The following REXO1 variants were observed in gnomAD, a reference collection of about 807,000 sequenced individuals.
REXO1 encodes the protein REX1, RNA exonuclease 1 homolog.
Under a neutral mutation model 102.6 loss-of-function variants are expected in REXO1, and 42 were observed. The observed-to-expected ratio is 0.41, with a 90% CI of 0.32 to 0.53. The LOEUF (loss-of-function observed/expected upper bound fraction) is 0.53. REXO1 is among the 20% of genes least tolerant of loss of function. The pLI, the probability that REXO1 is intolerant of heterozygous loss-of-function variation, is 0.27. For synonymous variants in REXO1, 908 were observed against 779.1 expected, an observed-to-expected ratio of 1.17 and a Z score of -2.76; for missense variants, 1,819 against 1,732.5, an observed-to-expected ratio of 1.05 and a Z score of -0.89.
intron 1 of REXO1, among the ~76,000 whole-genome samples, chr19:1,835,326 C>T (rs1012255430): frequency 6.6e-6 from 1 of 151,994 alleles, no homozygotes; most frequent in African/African-American, 2.4e-5. Context: ...GGAGGATCAC[C>T]GAGGTCAGGA....
intron 3 of REXO1, among the ~76,000 whole-genome samples, chr19:1,825,193 G>A (rs1599137603): frequency 6.7e-6 from 1 of 149,842 alleles, no homozygotes; most frequent in South Asian, 2.1e-4. Flanking sequence ...CCAGGTACTC[G>A]GGAGGCTGAA....
At chr19:1,846,009 G>A (rs1192699859) in intron 1 of REXO1, among the ~76,000 whole-genome samples, 2 of 152,236 alleles carry the variant, frequency 1.3e-5, no homozygotes, top group East Asian at 3.8e-4. Context: ...TGCAGCGCGT[G>A]TCCAGCACAG....
intron 5 of REXO1, among the ~76,000 whole-genome samples, chr19:1,820,854 T>G (rs574843960): frequency 6.6e-6 from 1 of 151,870 alleles, no homozygotes; most frequent in East Asian, 1.9e-4. Context: ...AATTATTAGC[T>G]GGGGTGTGAT....
chr19:1,824,814 CT>C (rs1470867219), intron 3 of REXO1, among the ~76,000 whole-genome samples: 1 of 152,048 alleles, frequency 6.6e-6, no homozygotes. Context: ...GAGACAGAGT[CT>C]TGCCTTGTCG....
intron 1 of REXO1, among the ~76,000 whole-genome samples, chr19:1,840,179 G>A (rs900906399): frequency 2.6e-5 from 4 of 152,184 alleles, no homozygotes; most frequent in African/African-American, 9.7e-5. Flanking sequence ...CACCTTCCTG[G>A]CCCTGCCCCC....
At chr19:1,839,255 CAAA>C (rs56278521) in intron 1 of REXO1, among the ~76,000 whole-genome samples, 1 of 133,428 alleles carries the variant, frequency 7.5e-6, no homozygotes, top group Non-Finnish European at 1.7e-5. Context: ...ACTCTATCTC[CAAA>C]AAAAAAAAAA....
At chr19:1,847,475 C>A (rs1316317038) in intron 1 of REXO1, among the ~76,000 whole-genome samples, 2 of 152,162 alleles carry the variant, frequency 1.3e-5, no homozygotes, top group Non-Finnish European at 2.9e-5. Flanking sequence ...CACTCGATAA[C>A]CCTCCCTCCA....
rs376804735 is a variant in REXO1, at chr19:1,827,792, C to T, written c.997G>A (p.Gly333Ser). Reference sequence around the variant, plus strand: ...GCCGTCTCCTTGGTCTCCCGCAGGCCGCCCCCCTCGGCCTCCAGGCCCTCT... The same window carrying T: ...GCCGTCTCCTTGGTCTCCCGCAGGCTGCCCCCCTCGGCCTCCAGGCCCTCT... ...SKEGLEAEGGGLRETKETAVQ... is the reference protein window; with the variant it reads ...SKEGLEAEGGSLRETKETAVQ... The change falls in exon 2 of 16, where the codon GGC becomes AGC. Residue 333 changes from glycine to serine, a missense_variant. Physicochemically the swap from Gly to Ser is moderately conservative, Grantham distance 56. Transcript: ENST00000170168. 1.8e-5 allele frequency: 28 copies of T among 1,592,974 alleles called. No individual in the cohort carries two copies. The highest frequency in any genetic ancestry group is 3.4e-4 in the Middle Eastern group (2 of 5,966).
rs758129734 is a variant in REXO1 at position 1,827,527 on chromosome 19, C to A, written c.1262G>T (p.Ser421Ile). The A allele has an allele frequency of 6.3e-7, 1 of 1,584,842 alleles. No individual in the cohort carries two copies. The highest frequency in any genetic ancestry group is 2.0e-5 in the Admixed American group (1 of 50,242). ...CCGCTCTGCCTTGCGCCGGGGGCTG[C>A]TGGCCTGCGGGCCCTTCTTGTCCGC... is the stretch of plus-strand genomic sequence containing the variant. ...PRADKKGPQA[S>I]SPRRKAERPE... The change falls in exon 2 of 16, where the codon AGC becomes ATC. Residue 421 changes from serine (S) to isoleucine (I), a missense_variant. Physicochemically the swap from Ser to Ile is moderately radical, Grantham distance 142. Coordinates refer to ENST00000170168, the MANE Select transcript of REXO1 (RefSeq NM_020695.4).
chr19:1,815,935 C>T lies in REXO1; in HGVS notation c.*131G>A. The T allele has an allele frequency of 1.3e-6, 2 of 1,534,954 alleles. No individual in the cohort carries two copies. The highest frequency in any genetic ancestry group is 1.7e-6 in the Non-Finnish European group (2 of 1,146,498). On this transcript the variant is annotated 3_prime_UTR_variant, in exon 16 of 16. Coordinates refer to ENST00000170168, the MANE Select transcript of REXO1 (RefSeq NM_020695.4). The surrounding 1 kb of genome is among the most constrained non-coding windows in gnomAD (Gnocchi z 4.0). ...GGGCTGGGCGTTCTCTGGCCGCCAG[C>T]TCATCCCGCTGCTCTGGGCTGCCTC...
chr19:1,826,040 C>G lies in REXO1; in HGVS notation c.1912-97G>C. 1.2e-6 allele frequency: 1 copy of G among 821,580 alleles called. No individual in the cohort carries two copies. The highest frequency in any genetic ancestry group is 1.4e-5 in the South Asian group (1 of 69,466). The allele number at this position is 821,580 out of a possible 1,614,324, so 50.9% of individuals were successfully genotyped here. On this transcript the variant is annotated intron_variant, in intron 2 of 15. Coordinates refer to ENST00000170168, the MANE Select transcript of REXO1 (RefSeq NM_020695.4). The surrounding 1 kb of genome is among the most constrained non-coding windows in gnomAD (Gnocchi z 4.3). Reference sequence around the variant, plus strand: ...TGCCCCCGGCAAGTGGGGAATGGAACAGTCCAGCCCCCAGGCACAGCAGCT... The same window carrying G: ...TGCCCCCGGCAAGTGGGGAATGGAAGAGTCCAGCCCCCAGGCACAGCAGCT...
chr19:1,847,625 A>G (rs1222365079), intron 1 of REXO1, among the ~76,000 whole-genome samples: 1 of 152,180 alleles, frequency 6.6e-6, no homozygotes, highest in African/African-American at 2.4e-5. Context: ...AAAAGCATGG[A>G]ATTCCTCGGA....
At chr19:1,846,559 A>G (rs2011550341) in intron 1 of REXO1, among the ~76,000 whole-genome samples, 1 of 152,224 alleles carries the variant, frequency 6.6e-6, no homozygotes, top group Non-Finnish European at 1.5e-5. Context: ...GCCTTTGGGA[A>G]ACAAATGAGC....
chr19:1,846,711 G>A (rs190469329), intron 1 of REXO1, among the ~76,000 whole-genome samples: 10 of 152,208 alleles, frequency 6.6e-5, no homozygotes, highest in Non-Finnish European at 8.8e-5. Flanking sequence ...ACAACATAGC[G>A]AGACCCTATC....
chr19:1,820,481 G>A lies in REXO1; in HGVS notation c.2395-86C>T, dbSNP rs2069501436. The A allele has an allele frequency of 3.3e-6, 5 of 1,514,816 alleles. No homozygotes were observed. In the South Asian group the frequency reaches 5.7e-5, roughly 17 times the overall value. 93.8% of individuals were successfully genotyped at this position (1,514,816 alleles called of 1,614,324 possible). ...GCAGACGCGATGAGGCCGTGCCCAT[G>A]GCTGGAGGCAAGAGTGAGGTGCGCT... On this transcript the variant is annotated intron_variant, in intron 5 of 15. Transcript: ENST00000170168.
chr19:1,838,145 C>T (rs746534427), intron 1 of REXO1, among the ~76,000 whole-genome samples: 1 of 151,182 alleles, frequency 6.6e-6, no homozygotes, highest in African/African-American at 2.4e-5. Context: ...CATGGGGAAA[C>T]CCCGTCCCTA....
At chr19:1,819,868 G>A in intron 7 of REXO1, 66 bp downstream of exon 7, 1 of 1,466,248 alleles carries the variant, frequency 6.8e-7, no homozygotes, top group Non-Finnish European at 9.1e-7. Flanking sequence ...TCCCAGCGAG[G>A]GTCCCAGCCC....
At chr19:1,843,523 C>G (rs2011394760) in intron 1 of REXO1, among the ~76,000 whole-genome samples, 1 of 152,216 alleles carries the variant, frequency 6.6e-6, no homozygotes, top group Admixed American at 6.5e-5. Flanking sequence ...TCCCTAGCAC[C>G]AACCGTCCCT....
chr19:1,819,497 G>A (rs2069469470), intron 7 of REXO1, among the ~76,000 whole-genome samples: 1 of 152,194 alleles, frequency 6.6e-6, no homozygotes, highest in Admixed American at 6.5e-5. Flanking sequence ...GCCAACCCAG[G>A]GCCCCTCCGA....
Sources: allele counts gnomAD v4.1 joint callset (sites outside exome capture counted in the v4.1 genomes callset), GRCh38; gene constraint gnomAD v4.1.1; non-coding constraint Gnocchi (gnomAD v3.1); transcripts MANE v1.5; gene names NCBI Gene and HGNC (gene_info 2026-07-23, HGNC 2026-07-21).